The following NEBL variants were observed in gnomAD, a reference collection of about 807,000 sequenced individuals.
NEBL encodes LIM and SH3 protein 2.
A neutral mutation model predicts 140.2 loss-of-function variants in NEBL; 122 were observed. That is an observed-to-expected ratio of 0.87 (90% CI 0.75 to 1.01). NEBL has a LOEUF of 1.01. NEBL is among the 50% of genes least tolerant of loss of function. NEBL has a pLI of 0.00. For synonymous variants in NEBL, 436 were observed against 398.9 expected (o/e 1.09, Z -1.11); for missense variants, 1,365 against 1,231.3 (o/e 1.11, Z -1.62).
At chr10:21,220,353 G>T (rs1412163440) in intron 3 of NEBL, among the ~76,000 whole-genome samples, 2 of 152,128 alleles carry the variant, frequency 1.3e-5, no homozygotes, top group Admixed American at 6.6e-5. Flanking sequence ...ACACTATTAT[G>T]ATCAATTGAT....
At chr10:21,180,717 T>A (rs567241109) in intron 3 of NEBL, among the ~76,000 whole-genome samples, 26 of 152,266 alleles carry the variant, frequency 1.7e-4, no homozygotes, top group Admixed American at 1.4e-3. Context: ...ATTCTGCCAA[T>A]TTTATCTCCA....
intron 4 of NEBL, among the ~76,000 whole-genome samples, chr10:20,939,384 T>G (rs567655350): frequency 4.6e-5 from 7 of 152,128 alleles, no homozygotes; most frequent in Non-Finnish European, 1.0e-4. Flanking sequence ...AAGCAAATGC[T>G]GAGAGATTTT....
At chr10:20,855,525 C>A (rs77299961) in intron 9 of NEBL, among the ~76,000 whole-genome samples, 70,478 of 136,760 alleles carry the variant, frequency 0.52, 17,766 homozygotes, top group Non-Finnish European at 0.61. Context: ...CAAAACAAAA[C>A]AAAAAAAAAA....
chr10:20,993,098 T>C (rs948406616), intron 3 of NEBL, among the ~76,000 whole-genome samples: 1 of 152,108 alleles, frequency 6.6e-6, no homozygotes, highest in Non-Finnish European at 1.5e-5. Flanking sequence ...CTACAAAGTC[T>C]TTTAGGGAGT....
intron 2 of NEBL, among the ~76,000 whole-genome samples, chr10:21,107,141 G>C (rs1837754702): frequency 6.6e-6 from 1 of 152,176 alleles, no homozygotes; most frequent in African/African-American, 2.4e-5. Flanking sequence ...GAGACAATAT[G>C]ACTTCCTCTT....
Position 20,820,454 on chromosome 10 carries a change from C to A in NEBL, c.1963-938G>T, listed in dbSNP as rs150275086. On this transcript the variant is annotated intron_variant, in intron 19 of 27. Transcript: ENST00000377122. Reference sequence around the variant, plus strand: ...AACTTCACAGGGACAGTTTTAGTGTCTTTTTAGACTTTAAAGCTCAGGTTA... The same window carrying A: ...AACTTCACAGGGACAGTTTTAGTGTATTTTTAGACTTTAAAGCTCAGGTTA... Among the ~76,000 whole-genome samples, 8 of 152,312 alleles carry A rather than the reference C, an allele frequency of 5.3e-5. No homozygotes were observed. The South Asian group carries it at 1.0e-3, about 20-fold the overall frequency.
chr10:21,076,959 G>A lies in NEBL; in HGVS notation c.165-56758C>T, dbSNP rs565178868. Among the ~76,000 whole-genome samples, 235 of 152,182 alleles carry A rather than the reference G, an allele frequency of 1.5e-3. 1 individual carries two copies. The highest frequency in any genetic ancestry group is 5.0e-3 in the African/African-American group (208 of 41,516). On this transcript the variant is annotated intron_variant, in intron 2 of 6. Transcript: ENST00000417816. ...ATGTGGAGTTTCAGTTGGGGAAGAC[G>A]AAAAAGTTCTAGAAACATACATTTG...
Position 21,033,257 on chromosome 10 carries a change from A to T in NEBL, c.165-13056T>A, listed in dbSNP as rs141517547. Among the ~76,000 whole-genome samples the T allele has an allele frequency of 5.4e-3, 820 of 152,316 alleles. 10 individuals are homozygous for T. Among genetic ancestry groups the T allele is most frequent in the East Asian group, 0.048 (248 of 5,174 alleles). On this transcript the variant is annotated intron_variant, in intron 2 of 6. Transcript: ENST00000417816. ...AGTATACTCTGAAAAATATCAAAAC[A>T]AAGTTTATAAGAAAACAGAACATTA...
chr10:20,926,002 T>C (rs1166450703), intron 4 of NEBL, among the ~76,000 whole-genome samples: 1 of 152,240 alleles, frequency 6.6e-6, no homozygotes, highest in East Asian at 1.9e-4. Flanking sequence ...GACCCACCAT[T>C]CCCAGCCTGC....
At chr10:21,094,961 G>T (rs1167381853) in intron 2 of NEBL, among the ~76,000 whole-genome samples, 1 of 152,170 alleles carries the variant, frequency 6.6e-6, no homozygotes, top group South Asian at 2.1e-4. Flanking sequence ...CCTATAATTA[G>T]GTGAAGGGAT....
chr10:21,183,848 G>C (rs572007006), intron 3 of NEBL, among the ~76,000 whole-genome samples: 1 of 152,250 alleles, frequency 6.6e-6, no homozygotes, highest in East Asian at 1.9e-4. Flanking sequence ...ATTGAATCAT[G>C]GGGGAGGGTC....
At chr10:21,008,691 T>C (rs967742454) in intron 3 of NEBL, among the ~76,000 whole-genome samples, 31 of 152,188 alleles carry the variant, frequency 2.0e-4, no homozygotes, top group African/African-American at 6.5e-4. Flanking sequence ...CTGGTGGGAA[T>C]GTAAACTAGT....
intron 5 of NEBL, among the ~76,000 whole-genome samples, chr10:20,877,008 C>T (rs1564411622): frequency 1.3e-5 from 2 of 152,150 alleles, no homozygotes; most frequent in South Asian, 2.1e-4. Context: ...TATGCCCTTC[C>T]GACCTAAACA....
At chr10:21,100,668 G>A (rs1487786739) in intron 2 of NEBL, among the ~76,000 whole-genome samples, 1 of 152,126 alleles carries the variant, frequency 6.6e-6, no homozygotes, top group Non-Finnish European at 1.5e-5. Flanking sequence ...ATGACCTGAT[G>A]GGCAAAGAGA....
intron 2 of NEBL, among the ~76,000 whole-genome samples, chr10:21,144,463 C>T (rs1340835700): frequency 3.3e-5 from 5 of 152,184 alleles, no homozygotes; most frequent in East Asian, 1.9e-4. Flanking sequence ...CTGTGGCTCA[C>T]GCCTGTAATC....
Position 21,122,003 on chromosome 10 carries a change from G to GTTGT in NEBL, c.164+50376_164+50379dup, listed in dbSNP as rs368738017. On this transcript the variant is annotated intron_variant, in intron 2 of 6. Transcript: ENST00000417816. ...CCAAGGAATGTGGGGATTTCTCCTG[G>GTTGT]TTGTTGTTGTTGTTGTTGTTGTTGT... Among the ~76,000 whole-genome samples, 312 of 50,280 alleles carry GTTGT rather than the reference G, an allele frequency of 6.2e-3. 1 individual carries two copies. The highest frequency in any genetic ancestry group is 0.049 in the African/African-American group (274 of 5,546). The allele number at this position is 50,280 out of a possible 152,430, so 33.0% of individuals were successfully genotyped here.
At chr10:21,171,887 T>C (rs1473587439) in intron 2 of NEBL, 2 of 185,624 alleles carry the variant, frequency 1.1e-5, no homozygotes, top group Non-Finnish European at 2.3e-5. Flanking sequence ...TTTGGTTCCA[T>C]TCTCCAAACC....
intron 3 of NEBL, among the ~76,000 whole-genome samples, chr10:20,983,479 G>GA (rs751716014): frequency 4.1e-4 from 63 of 152,150 alleles, no homozygotes; most frequent in Admixed American, 7.2e-4. Flanking sequence ...CCAAAACAGT[G>GA]AATCTGGAAA....
chr10:21,180,355 G>A (rs934521668), intron 3 of NEBL, among the ~76,000 whole-genome samples: 3 of 152,152 alleles, frequency 2.0e-5, no homozygotes, highest in Non-Finnish European at 4.4e-5. Context: ...AAAATAATCA[G>A]TTGGAAAGGG....
Sources: gnomAD v4.1 joint callset for allele counts (sites outside exome capture counted in the v4.1 genomes callset) on GRCh38, gnomAD v4.1.1 for gene constraint, MANE v1.5 for transcripts, NCBI Gene and HGNC (gene_info 2026-07-23, HGNC 2026-07-21) for gene names.